PIK3R3: variants seen among roughly 807,000 people sequenced by gnomAD.
PIK3R3 encodes phosphoinositide-3-kinase regulatory subunit 3.
A neutral mutation model predicts 62.9 loss-of-function variants in PIK3R3; 64 were observed. The ratio of observed to expected loss-of-function variants is 1.02; its 90% confidence interval spans 0.83 to 1.25. The LOEUF (loss-of-function observed/expected upper bound fraction) is 1.25, where lower values mean the gene tolerates loss of function less well. Ranked by LOEUF, PIK3R3 falls within the 50% of genes most tolerant of loss-of-function variation. The pLI is 0.00. For missense variants in PIK3R3, 614 were observed against 561.6 expected (o/e 1.09, Z -0.94); for synonymous variants, 165 against 189.0 (o/e 0.87, Z 1.04).
intron 4 of PIK3R3, 106 bp downstream of exon 4, chr1:46,066,805 A>C: frequency 1.1e-6 from 1 of 918,926 alleles, no homozygotes; most frequent in Non-Finnish European, 1.8e-6. Context: ...TAAATAAATA[A>C]CAAAATGGCT....
chr1:46,108,520 T>A (rs951713181), intron 1 of PIK3R3, among the ~76,000 whole-genome samples: 2 of 152,222 alleles, frequency 1.3e-5, no homozygotes, highest in African/African-American at 4.8e-5. Context: ...TCCACATGCC[T>A]CAGGATCAGT....
chr1:46,102,502 A>C (rs1490884540), intron 1 of PIK3R3, among the ~76,000 whole-genome samples: 1 of 152,126 alleles, frequency 6.6e-6, no homozygotes, highest in Admixed American at 6.5e-5. Flanking sequence ...CTTAAATGAG[A>C]ATGAGAATGT....
chr1:46,079,123 T>C (rs968709840), intron 2 of PIK3R3, among the ~76,000 whole-genome samples: 1 of 151,950 alleles, frequency 6.6e-6, no homozygotes, highest in African/African-American at 2.4e-5. Context: ...ATTAAATAAA[T>C]ACCATTTTGG....
upstream of PIK3R3, among the ~76,000 whole-genome samples, chr1:46,134,850 T>G (rs1655872509): frequency 6.6e-6 from 1 of 152,222 alleles, no homozygotes; most frequent in South Asian, 2.1e-4. Flanking sequence ...TTCCCACAGC[T>G]AAGGCTTTGA....
At chr1:46,087,144 A>G (rs915703173) in intron 1 of PIK3R3, among the ~76,000 whole-genome samples, 2 of 152,182 alleles carry the variant, frequency 1.3e-5, no homozygotes, top group African/African-American at 2.4e-5. Flanking sequence ...GAGGGATAGC[A>G]TTAGGAGATA....
At chr1:46,159,738 T>TACACACACACACACAC in the PIK3R3 span, among the ~76,000 whole-genome samples, 1,773 of 148,086 alleles carry the variant, frequency 0.012, 29 homozygotes, top group African/African-American at 0.04. Flanking sequence ...ATGAGTACCA[T>TACACACACACACACAC]ACACACACAC....
In PIK3R3 at chr1:46,080,699, A is replaced by G; in HGVS notation, c.158T>C (p.Met53Thr). 6.2e-7 allele frequency: 1 copy of G among 1,614,096 alleles called. No homozygotes were observed. Among genetic ancestry groups the G allele is most frequent in the South Asian group, 1.1e-5 (1 of 91,078 alleles). The part of the protein sequence containing the change: ...KPMTSAVPNG[M>T]KDSSVSLQDA... Reference sequence around the variant, plus strand: ...CTGAAGAGAAACAGAACTGTCCTTCATTCCATTTGGAACTGCTGAAGTCAT... The same window carrying G: ...CTGAAGAGAAACAGAACTGTCCTTCGTTCCATTTGGAACTGCTGAAGTCAT... The change falls in exon 2 of 10, where the codon ATG (methionine) becomes ACG (threonine). Residue 53 changes from methionine (M) to threonine (T), a missense_variant. Physicochemically the swap from Met to Thr is moderately conservative, Grantham distance 81 (BLOSUM62 -1). Coordinates refer to ENST00000262741, the MANE Select transcript of PIK3R3 (RefSeq NM_003629.4).
chr1:46,065,489 A>C (rs1648905529), intron 5 of PIK3R3, among the ~76,000 whole-genome samples: 2 of 152,244 alleles, frequency 1.3e-5, no homozygotes, highest in Admixed American at 1.3e-4. Context: ...CACCTGACCA[A>C]ATAAAAACTA....
chr1:46,133,616 C>A (rs540211520), upstream of PIK3R3, among the ~76,000 whole-genome samples: 21 of 152,280 alleles, frequency 1.4e-4, no homozygotes, highest in Admixed American at 2.0e-4. Flanking sequence ...TGCCCGTGGC[C>A]CCTGCAACCT....
At chr1:46,074,985 G>C (rs375340030) in intron 3 of PIK3R3, among the ~76,000 whole-genome samples, 4 of 152,246 alleles carry the variant, frequency 2.6e-5, no homozygotes, top group East Asian at 1.9e-4. Flanking sequence ...AGAAGCTCTT[G>C]GGCTATTTAT....
chr1:46,140,401 T>C, the PIK3R3 span, among the ~76,000 whole-genome samples: 1 of 152,224 alleles, frequency 6.6e-6, no homozygotes, highest in Non-Finnish European at 1.5e-5. Context: ...ACTAATACTA[T>C]TTTAATGAGC....
the PIK3R3 span, among the ~76,000 whole-genome samples, chr1:46,155,754 G>A: frequency 6.6e-6 from 1 of 152,186 alleles, no homozygotes; most frequent in East Asian, 1.9e-4. Flanking sequence ...GAGCCACCAT[G>A]CCCAGCCTAA....
At chr1:46,171,625 G>C in the PIK3R3 span, among the ~76,000 whole-genome samples, 3 of 152,064 alleles carry the variant, frequency 2.0e-5, no homozygotes, top group African/African-American at 7.2e-5. Flanking sequence ...CTCCAGCCTG[G>C]CGCCCCAGGG....
Position 46,072,075 on chromosome 1 carries a change from A to T in PIK3R3, c.315-4984T>A, listed in dbSNP as rs1649590978. Among the ~76,000 whole-genome samples the T allele has an allele frequency of 2.0e-5, 3 of 152,184 alleles. No individual in the cohort carries two copies. In the South Asian group the frequency reaches 6.2e-4, roughly 32 times the overall value. ...CTATCCCCTTCAAGATATTCTGCAA[A>T]TGTAATCTCTTCTGTGAAGGTCAGT... On this transcript the variant is annotated intron_variant, in intron 3 of 9. Coordinates refer to ENST00000262741, the MANE Select transcript of PIK3R3 (RefSeq NM_003629.4).
chr1:46,145,119 A>C, the PIK3R3 span, among the ~76,000 whole-genome samples: 209 of 146,134 alleles, frequency 1.4e-3, 1 homozygote, highest in Admixed American at 2.2e-3. Context: ...ATGAAACTCC[A>C]CCTCAAAAAA....
chr1:46,090,336 A>T (rs755355543), intron 1 of PIK3R3, among the ~76,000 whole-genome samples: 22 of 151,028 alleles, frequency 1.5e-4, no homozygotes, highest in Non-Finnish European at 3.1e-4. Context: ...TTATTTATTT[A>T]TTTATTTATT....
intron 1 of PIK3R3, among the ~76,000 whole-genome samples, chr1:46,125,886 G>A (rs937114203): frequency 2.0e-5 from 3 of 151,068 alleles, no homozygotes; most frequent in Admixed American, 6.6e-5. Context: ...TCAACCTCCC[G>A]AGTAGCTGGG....
At chr1:46,069,708 G>A (rs561136442) in intron 3 of PIK3R3, among the ~76,000 whole-genome samples, 1 of 152,240 alleles carries the variant, frequency 6.6e-6, no homozygotes, top group South Asian at 2.1e-4. Context: ...TTATTTGATG[G>A]TGAGCATAGC....
At chr1:46,071,712 A>AAAAAAAAACATATATATATATATAT (rs1472807815) in intron 3 of PIK3R3, among the ~76,000 whole-genome samples, 2 of 24,646 alleles carry the variant, frequency 8.1e-5, no homozygotes, top group Non-Finnish European at 7.8e-5. Context: ...AAAAAAAAAA[A>AAAAAAAAACATATATATATATATAT]ATATATATAT....
Sources: allele counts gnomAD v4.1 joint callset (sites outside exome capture counted in the v4.1 genomes callset), GRCh38; gene constraint gnomAD v4.1.1; transcripts MANE v1.5; gene names NCBI Gene and HGNC (gene_info 2026-07-23, HGNC 2026-07-21).